Variants in MMS22L observed in about 807,000 individuals in gnomAD.
The protein encoded by MMS22L is MMS22 like, DNA repair protein, also known as protein MMS22-like.
A neutral mutation model predicts 159.1 loss-of-function variants in MMS22L; 74 were observed. That is an observed-to-expected ratio of 0.47 (90% CI 0.39 to 0.56). The LOEUF (loss-of-function observed/expected upper bound fraction) is 0.56, where lower values mean the gene tolerates loss of function less well. Among genes scored for constraint, MMS22L ranks in the 20% least tolerant of loss-of-function variants. MMS22L has a pLI of 0.00. For synonymous variants in MMS22L, 517 were observed against 506.9 expected, an observed-to-expected ratio of 1.02 and a Z score of -0.27; for missense variants, 1,351 against 1,422.1, an observed-to-expected ratio of 0.95 and a Z score of 0.80.
At chr6:97,207,602 C>T (rs1299575302) in intron 14 of MMS22L, among the ~76,000 whole-genome samples, 5 of 152,144 alleles carry the variant, frequency 3.3e-5, no homozygotes, top group Non-Finnish European at 7.4e-5. Context: ...TGTGGTCACA[C>T]CAGTCTTCCA....
intron 6 of MMS22L, chr6:97,270,920 A>C (rs536722032): frequency 1.3e-5 from 2 of 152,266 alleles, no homozygotes; most frequent in African/African-American, 4.8e-5. Context: ...CAATCAAAAT[A>C]TTTTAACAGC....
chr6:97,172,736 C>A (rs149259942), intron 19 of MMS22L, among the ~76,000 whole-genome samples: 4 of 151,964 alleles, frequency 2.6e-5, no homozygotes, highest in Non-Finnish European at 5.9e-5. Context: ...AATAGATAAG[C>A]GTTTTTTTAA....
chr6:97,281,090 G>C (rs1052638703), intron 3 of MMS22L, 147 bp downstream of exon 3: 38 of 702,268 alleles, frequency 5.4e-5, no homozygotes, highest in Admixed American at 4.3e-4. Context: ...ATTGCTGCTT[G>C]ATTATTGTTA....
chr6:97,204,863 G>C (rs1807588534), intron 14 of MMS22L, among the ~76,000 whole-genome samples: 1 of 139,858 alleles, frequency 7.2e-6, no homozygotes. Flanking sequence ...AGGAGCCTTA[G>C]AGAACATCTA....
intron 14 of MMS22L, among the ~76,000 whole-genome samples, chr6:97,208,952 T>C (rs191031906): frequency 6.6e-6 from 1 of 152,040 alleles, no homozygotes; most frequent in East Asian, 1.9e-4. Context: ...GTTTTAGCAT[T>C]TTTTTCCTCA....
Position 97,179,376 on chromosome 6 carries a change from C to T in MMS22L, c.2536+32G>A, listed in dbSNP as rs752306505. The T allele has an allele frequency of 5.6e-6, 9 of 1,594,576 alleles. No homozygotes were observed. The Admixed American group carries it at 6.8e-5, about 12-fold the overall frequency. ...AGCAAATAGCTTTCCATAGATACCC[C>T]CATCCTCCCCAAAAAACGTACACTT... is the stretch of plus-strand genomic sequence containing the variant. On this transcript the variant is annotated intron_variant, in intron 17 of 24. Transcript: ENST00000683635.
In MMS22L at chr6:97,189,371, G is replaced by A. The variant is rs896705431; in HGVS notation, c.2040-2681C>T. ...GCTCAGGATTTCAAGACCAGCCTGG[G>A]CAACATAGTGAAACCCCATCTCTAT... On this transcript the variant is annotated intron_variant, in intron 14 of 24. Coordinates refer to ENST00000683635, the MANE Select transcript of MMS22L (RefSeq NM_001350599.2). 1.4e-4 allele frequency among the ~76,000 whole-genome samples: 21 copies of A among 150,804 alleles called. 1 individual carries two copies. The highest frequency in any genetic ancestry group is 1.1e-3 in the Admixed American group (17 of 15,138).
At chr6:97,249,814 C>T (rs1277438202) in intron 10 of MMS22L, among the ~76,000 whole-genome samples, 1 of 150,512 alleles carries the variant, frequency 6.6e-6, no homozygotes. Flanking sequence ...GAAAATGTCA[C>T]CTCCAGTGCC....
intron 12 of MMS22L, 114 bp from the exon 13 acceptor site, chr6:97,231,766 C>T (rs1022373295): frequency 4.3e-6 from 3 of 691,732 alleles, no homozygotes; most frequent in African/African-American, 1.8e-5. Context: ...ATCTTAATCA[C>T]AAAAACTACA....
At chr6:97,270,410 T>A (rs1815607080) in intron 6 of MMS22L, 3 of 384,418 alleles carry the variant, frequency 7.8e-6, no homozygotes, top group African/African-American at 6.4e-5. Context: ...AAAAGAACTT[T>A]AGACTGTCAT....
chr6:97,147,893 G>A (rs1800988539), intron 24 of MMS22L, among the ~76,000 whole-genome samples: 1 of 152,108 alleles, frequency 6.6e-6, no homozygotes, highest in African/African-American at 2.4e-5. Flanking sequence ...ACATAGTCAT[G>A]TCTTCAAGAA....
intron 2 of MMS22L, among the ~76,000 whole-genome samples, 193 bp downstream of exon 2, chr6:97,282,121 C>T (rs1202249417): frequency 2.0e-5 from 3 of 152,192 alleles, no homozygotes; most frequent in Non-Finnish European, 4.4e-5. Flanking sequence ...TTCCCTAATA[C>T]CCCAAATACT....
At chr6:97,249,790 T>A (rs1360451757) in intron 10 of MMS22L, among the ~76,000 whole-genome samples, 1 of 151,330 alleles carries the variant, frequency 6.6e-6, no homozygotes, top group Non-Finnish European at 1.5e-5. Context: ...CATTTTTGTA[T>A]CATTCTTTAT....
Position 97,229,048 on chromosome 6 carries a change from C to T in MMS22L, c.1885G>A (p.Asp629Asn), listed in dbSNP as rs761808203. The T allele has an allele frequency of 2.5e-6, 4 of 1,614,148 alleles. No individual in the cohort carries two copies. The highest frequency in any genetic ancestry group is 2.5e-6 in the Non-Finnish European group (3 of 1,180,026). The change falls in exon 14 of 25, where the codon GAT (aspartate) becomes AAT (asparagine). Residue 629 changes from aspartate to asparagine, a missense_variant. By Grantham distance (23) the Asp-to-Asn change is conservative. Transcript: ENST00000683635. ...GTCTCAAACACTTCTTGAACACCAT[C>T]AATGTATATGGAAAGAAGGGTCCAG... is the stretch of plus-strand genomic sequence containing the variant. ...TIWTLLSIYIDGVQEVFETSY... is the reference protein window; with the variant it reads ...TIWTLLSIYINGVQEVFETSY...
intron 20 of MMS22L, among the ~76,000 whole-genome samples, chr6:97,167,487 C>T (rs995629604): frequency 1.3e-5 from 2 of 152,090 alleles, no homozygotes; most frequent in African/African-American, 4.8e-5. Context: ...TTACATATGA[C>T]CACCAGAATC....
intron 10 of MMS22L, among the ~76,000 whole-genome samples, chr6:97,248,716 G>A (rs575422192): frequency 6.6e-6 from 1 of 152,156 alleles, no homozygotes; most frequent in East Asian, 1.9e-4. Context: ...AAAATTAGGA[G>A]GGTGTGGTGG....
At chr6:97,196,730 G>T (rs1806556543) in intron 14 of MMS22L, among the ~76,000 whole-genome samples, 1 of 151,824 alleles carries the variant, frequency 6.6e-6, no homozygotes, top group Non-Finnish European at 1.5e-5. Flanking sequence ...TAACTGCACT[G>T]TGCTAATGTT....
chr6:97,248,580 C>A (rs191700481), intron 10 of MMS22L, among the ~76,000 whole-genome samples: 68 of 152,286 alleles, frequency 4.5e-4, no homozygotes, highest in Middle Eastern at 3.4e-3. Context: ...AAGAAAAGAT[C>A]TGGCCTGCTG....
intron 24 of MMS22L, among the ~76,000 whole-genome samples, chr6:97,149,311 C>T (rs1042035433): frequency 4.6e-5 from 7 of 152,000 alleles, no homozygotes; most frequent in Admixed American, 1.3e-4. Context: ...AGGCTTATTC[C>T]CACAATGTTG....
Sources: gnomAD v4.1 joint callset for allele counts (sites outside exome capture counted in the v4.1 genomes callset) on GRCh38, gnomAD v4.1.1 for gene constraint, MANE v1.5 for transcripts, NCBI Gene and HGNC (gene_info 2026-07-23, HGNC 2026-07-21) for gene names.